Variants in N4BP2L1 observed in about 807,000 individuals in gnomAD.
N4BP2L1 encodes NEDD4-binding protein 2-like 1.
N4BP2L1 carries 12 observed loss-of-function variants against 21.2 expected under a neutral mutation model. The ratio of observed to expected loss-of-function variants is 0.57; its 90% CI spans 0.36 to 0.92. The LOEUF is 0.92. N4BP2L1 is among the 40% of genes least tolerant of loss of function. The probability of loss-of-function intolerance (pLI) is 0.01; values close to 1 mark genes in which losing one functional copy is unlikely to be tolerated. For synonymous variants in N4BP2L1, 104 were observed against 112.8 expected (o/e 0.92, Z 0.49); for missense variants, 259 against 310.6 (o/e 0.83, Z 1.25).
At chr13:32,409,908 C>A (rs1461315233) in intron 1 of N4BP2L1, among the ~76,000 whole-genome samples, 3 of 152,134 alleles carry the variant, frequency 2.0e-5, no homozygotes, top group African/African-American at 7.2e-5. Context: ...AATCTGACTG[C>A]CACACAATTT....
Position 32,403,308 on chromosome 13 carries a change from C to G in N4BP2L1, c.474-108G>C. The stretch of plus-strand genomic sequence containing the variant: ...ATATTGCAGTCCCTGTTCTCAGGAC[C>G]TAGCTCTGGCAAAAGCATAACAAAC... On this transcript the variant is annotated intron_variant, in intron 4 of 4. Transcript: ENST00000380130. 5 of 1,123,672 alleles carry G rather than the reference C, an allele frequency of 4.4e-6. No individual in the cohort carries two copies. The South Asian group carries it at 6.3e-5, about 14-fold the overall frequency. 69.6% of individuals were successfully genotyped at this position (1,123,672 alleles called of 1,614,324 possible).
intron 1 of N4BP2L1, among the ~76,000 whole-genome samples, chr13:32,408,206 G>A (rs916612785): frequency 5.3e-5 from 8 of 152,112 alleles, no homozygotes; most frequent in Admixed American, 4.6e-4. Context: ...CCCTTCCCTC[G>A]GCCCCCTAAA....
At chr13:32,404,947 A>G (rs1320938955) in intron 3 of N4BP2L1, among the ~76,000 whole-genome samples, 1 of 152,170 alleles carries the variant, frequency 6.6e-6, no homozygotes, top group Non-Finnish European at 1.5e-5. Flanking sequence ...GAAAACTATT[A>G]TAATTTCCTT....
chr13:32,414,318 A>G (rs901832332), intron 1 of N4BP2L1, among the ~76,000 whole-genome samples: 1 of 152,214 alleles, frequency 6.6e-6, no homozygotes, highest in Non-Finnish European at 1.5e-5. Flanking sequence ...TTAATGCTTA[A>G]CCAATGGTCT....
chr13:32,404,856 T>C (rs1354675826), intron 3 of N4BP2L1, among the ~76,000 whole-genome samples: 5 of 151,992 alleles, frequency 3.3e-5, no homozygotes, highest in Non-Finnish European at 5.9e-5. Context: ...ATACTTCACA[T>C]CATCTTCCTT....
chr13:32,418,202 C>T (rs1020267952), intron 1 of N4BP2L1, among the ~76,000 whole-genome samples: 2 of 152,200 alleles, frequency 1.3e-5, no homozygotes, highest in Admixed American at 6.5e-5. Context: ...TCCTGGGCCC[C>T]CCTGCTGTGT....
intron 1 of N4BP2L1, among the ~76,000 whole-genome samples, chr13:32,420,749 A>G (rs1455648108): frequency 6.6e-6 from 1 of 152,046 alleles, no homozygotes; most frequent in Non-Finnish European, 1.5e-5. Flanking sequence ...GCTGGAGTGC[A>G]ATGGCGTAAT....
intron 1 of N4BP2L1, among the ~76,000 whole-genome samples, chr13:32,409,785 AAG>A (rs1427077621): frequency 6.6e-6 from 1 of 152,130 alleles, no homozygotes; most frequent in African/African-American, 2.4e-5. Flanking sequence ...ACGGGCAGGA[AAG>A]AGAGGAGGAA....
chr13:32,408,679 CAACAAACAGAAA>C (rs1388514319), intron 1 of N4BP2L1, among the ~76,000 whole-genome samples: 1 of 152,136 alleles, frequency 6.6e-6, no homozygotes, highest in East Asian at 1.9e-4. Flanking sequence ...CAAACCCAGC[CAACAAACAGAAA>C]ATATGGTCAC....
At chr13:32,405,128 T>A (rs1284954992) in intron 3 of N4BP2L1, among the ~76,000 whole-genome samples, 1 of 152,136 alleles carries the variant, frequency 6.6e-6, no homozygotes, top group Non-Finnish European at 1.5e-5. Context: ...TGGGAAGGAT[T>A]TAAATAACAC....
intron 1 of N4BP2L1, among the ~76,000 whole-genome samples, chr13:32,424,224 A>C (rs1347098406): frequency 1.3e-5 from 2 of 152,210 alleles, no homozygotes; most frequent in East Asian, 3.8e-4. Flanking sequence ...CCTTCACTTC[A>C]ATCAAGCCCG....
In N4BP2L1 at chr13:32,423,768, G is replaced by A. The variant is rs185101252; in HGVS notation, c.179+4136C>T. On this transcript the variant is annotated intron_variant, in intron 1 of 4. Transcript: ENST00000380130. ...ACAGGAAGTAGCTGAGAGGTTACCC[G>A]GGGTCGGGGGAGTGGGGAATAGGCA... is the stretch of plus-strand genomic sequence containing the variant. 2.6e-4 allele frequency among the ~76,000 whole-genome samples: 39 copies of A among 152,322 alleles called. No individual in the cohort carries two copies. In the East Asian group the frequency reaches 5.4e-3, roughly 21 times the overall value.
chr13:32,408,574 C>T (rs982170174), intron 1 of N4BP2L1, among the ~76,000 whole-genome samples: 1 of 152,202 alleles, frequency 6.6e-6, no homozygotes, highest in Non-Finnish European at 1.5e-5. Context: ...AATCCTTGCT[C>T]GTACTATCTT....
chr13:32,416,700 G>C (rs1028037603), intron 1 of N4BP2L1: 2 of 152,150 alleles, frequency 1.3e-5, no homozygotes, highest in African/African-American at 4.8e-5. Context: ...TCCATTCTGA[G>C]CATCTAGAAG....
At chr13:32,405,510 T>G (rs2761367) in intron 3 of N4BP2L1, among the ~76,000 whole-genome samples, 77,869 of 151,936 alleles carry the variant, frequency 0.51, 21,655 homozygotes, top group African/African-American at 0.71. Context: ...ACTCTCTCTC[T>G]AAACAAAACA....
intron 1 of N4BP2L1, chr13:32,425,501 C>T (rs1006796113): frequency 6.6e-6 from 1 of 152,268 alleles, no homozygotes; most frequent in African/African-American, 2.4e-5. Context: ...AGCTGACCAA[C>T]AACGGAGCAG....
chr13:32,413,530 C>G (rs550686074), intron 1 of N4BP2L1, among the ~76,000 whole-genome samples: 1 of 152,314 alleles, frequency 6.6e-6, no homozygotes, highest in South Asian at 2.1e-4. Flanking sequence ...AAATTCAATG[C>G]TAAGTTCGAT....
chr13:32,421,418 A>G (rs933903764), intron 1 of N4BP2L1, among the ~76,000 whole-genome samples: 5 of 151,316 alleles, frequency 3.3e-5, no homozygotes, highest in South Asian at 4.2e-4. Context: ...TGGCTATACA[A>G]TCATACTTCA....
chr13:32,428,620 A>G (rs763105852), upstream of N4BP2L1, among the ~76,000 whole-genome samples: 1 of 152,204 alleles, frequency 6.6e-6, no homozygotes, highest in South Asian at 2.1e-4. Context: ...CAGGGCTTGT[A>G]TCTTTTCTTA....
Sources: allele counts gnomAD v4.1 joint callset (sites outside exome capture counted in the v4.1 genomes callset), GRCh38; gene constraint gnomAD v4.1.1; transcripts MANE v1.5; gene names NCBI Gene and HGNC (gene_info 2026-07-23, HGNC 2026-07-21).